Variants in FASTKD1 observed in about 807,000 individuals in gnomAD.
FASTKD1 encodes the protein FAST kinase domain-containing protein 1, mitochondrial.
FASTKD1 carries 94 observed loss-of-function variants against 90.9 expected under a neutral mutation model. That is an observed-to-expected ratio of 1.03 (90% CI 0.88 to 1.23). The LOEUF (loss-of-function observed/expected upper bound fraction) is 1.23, where lower values mean the gene tolerates loss of function less well. Ranked by LOEUF, FASTKD1 falls within the 50% of genes most tolerant of loss-of-function variation. The pLI, the probability that FASTKD1 is intolerant of heterozygous loss-of-function variation, is 0.00. For missense variants in FASTKD1, 945 were observed against 993.5 expected (o/e 0.95, Z 0.66); for synonymous variants, 319 against 345.8 (o/e 0.92, Z 0.86).
chr2:169,555,569 C>T (rs1447593661), intron 6 of FASTKD1, among the ~76,000 whole-genome samples: 1 of 152,172 alleles, frequency 6.6e-6, no homozygotes, highest in Non-Finnish European at 1.5e-5. Context: ...CTCCCCATAA[C>T]AAAATCTTTA....
intron 5 of FASTKD1, among the ~76,000 whole-genome samples, chr2:169,559,919 G>A (rs1404282101): frequency 6.6e-6 from 1 of 152,136 alleles, no homozygotes; most frequent in Non-Finnish European, 1.5e-5. Context: ...AATGAGAGGC[G>A]CCACACAAAA....
At chr2:169,545,971 TCA>T (rs1328355552) in intron 8 of FASTKD1, among the ~76,000 whole-genome samples, 1 of 152,156 alleles carries the variant, frequency 6.6e-6, no homozygotes, top group Non-Finnish European at 1.5e-5. Context: ...TCTCACTCTG[TCA>T]CACAGGCTGG....
chr2:169,571,782 G>A lies in FASTKD1; in HGVS notation c.248C>T (p.Thr83Ile). 1.9e-6 allele frequency: 3 copies of A among 1,614,080 alleles called. No homozygotes were observed. Among genetic ancestry groups the A allele is most frequent in the Non-Finnish European group, 2.5e-6 (3 of 1,179,990 alleles). Residue 83 changes from threonine (T) to isoleucine (I), a missense_variant, in exon 2 of 15, where the codon ACC (threonine) becomes ATC (isoleucine). Transcript: ENST00000453153. Reference sequence around the variant, plus strand: ...ATACTCAGCATTTTTTAACAGGCTGGTCTTCTGCTTTTGAAGCTTCCAAAG... The same window carrying A: ...ATACTCAGCATTTTTTAACAGGCTGATCTTCTGCTTTTGAAGCTTCCAAAG... Reference protein sequence around the residue: ...DMLWKLQKQKTSLLKNAEYVR... With the variant: ...DMLWKLQKQKISLLKNAEYVR...
rs772127945 is a variant in FASTKD1 at position 169,569,231 on chromosome 2, G to T, written c.399C>A (p.Asp133Glu). ...VTQQFAGEAH[D>E]PLVEALVTEA... ...CTGTAACTAGTGCTTCAACTAGCGG[G>T]TCATGGGCCTCACCAGCAAACCTTA... The change falls in exon 3 of 15, where the codon GAC becomes GAA. Residue 133 changes from aspartate (D) to glutamate (E), a missense_variant. Transcript: ENST00000453153. 3 of 1,613,932 alleles carry T rather than the reference G, an allele frequency of 1.9e-6. No individual in the cohort carries two copies. In the Admixed American group the frequency reaches 5.0e-5, roughly 27 times the overall value.
rs1275765438 is a variant in FASTKD1 at position 169,530,017 on chromosome 2, T to A, written c.2443-91A>T. On this transcript the variant is annotated intron_variant, in intron 14 of 14. Coordinates refer to ENST00000453153, the MANE Select transcript of FASTKD1 (RefSeq NM_024622.6). The stretch of plus-strand genomic sequence containing the variant: ...ATATAAGCACTACTGATCAAAGCTG[T>A]AGGAATCCTATGAAATTAGTTTACA... The A allele has an allele frequency of 1.4e-5, 12 of 853,742 alleles. No individual in the cohort carries two copies. The East Asian group carries it at 3.2e-4, about 23-fold the overall frequency. 52.9% of individuals were successfully genotyped at this position (853,742 alleles called of 1,614,324 possible).
chr2:169,572,098 T>C lies in FASTKD1; in HGVS notation c.-69A>G. ...AGTCGTCAGGTGCAATAAGCAGGGA[T>C]ACAAATAACAGTTTTTCCTTCATGT... On this transcript the variant is annotated 5_prime_UTR_variant, in exon 2 of 15. Transcript: ENST00000453153. 1.3e-6 allele frequency: 2 copies of C among 1,506,266 alleles called. No homozygotes were observed. The highest frequency in any genetic ancestry group is 1.8e-6 in the Non-Finnish European group (2 of 1,131,858). The allele number at this position is 1,506,266 out of a possible 1,614,324, so 93.3% of individuals were successfully genotyped here.
Position 169,529,766 on chromosome 2 carries a change from G to T in FASTKD1, c.*59C>A. The T allele has an allele frequency of 8.4e-6, 10 of 1,194,156 alleles. No homozygotes were observed. The highest frequency in any genetic ancestry group is 2.0e-4 in the Middle Eastern group (1 of 4,944). 74.0% of individuals were successfully genotyped at this position (1,194,156 alleles called of 1,614,324 possible). The stretch of plus-strand genomic sequence containing the variant: ...TGTACCTATTTTTTAATTGAGACAG[G>T]CCACTTTATTAAAATAGGTCCAAAT... On this transcript the variant is annotated 3_prime_UTR_variant, in exon 15 of 15. Transcript: ENST00000453153.
At chr2:169,556,722 G>A (rs1041417309) in intron 6 of FASTKD1, among the ~76,000 whole-genome samples, 2 of 152,126 alleles carry the variant, frequency 1.3e-5, no homozygotes, top group African/African-American at 2.4e-5. Flanking sequence ...CTACTCAGGA[G>A]GCTGAGACAG....
intron 7 of FASTKD1, among the ~76,000 whole-genome samples, chr2:169,552,016 C>T (rs1390743389): frequency 6.6e-6 from 1 of 152,128 alleles, no homozygotes; most frequent in African/African-American, 2.4e-5. Flanking sequence ...TGTTTCAGGA[C>T]CTAGGACCTA....
chr2:169,547,719 A>G (rs913939071), intron 7 of FASTKD1, among the ~76,000 whole-genome samples: 5 of 151,796 alleles, frequency 3.3e-5, no homozygotes, highest in Non-Finnish European at 5.9e-5. Flanking sequence ...CTCTACTAAA[A>G]ACACAAAAAA....
intron 2 of FASTKD1, chr2:169,571,008 T>C (rs974394078): frequency 5.9e-5 from 9 of 152,352 alleles, no homozygotes; most frequent in Non-Finnish European, 1.3e-4. Context: ...GCTTACCTAC[T>C]ATATCCTCAT....
chr2:169,531,248 G>A, intron 13 of FASTKD1, 104 bp downstream of exon 13: 1 of 1,195,440 alleles, frequency 8.4e-7, no homozygotes, highest in Non-Finnish European at 1.2e-6. Flanking sequence ...TGACATATGA[G>A]GAACAGATTC....
chr2:169,554,104 TC>T (rs1314792841), intron 7 of FASTKD1, among the ~76,000 whole-genome samples: 1 of 136,934 alleles, frequency 7.3e-6, no homozygotes, highest in Non-Finnish European at 1.6e-5. Flanking sequence ...GACCCCCATC[TC>T]TACAAAAAAA....
chr2:169,563,194 CCACAA>C, intron 4 of FASTKD1, 26 bp downstream of exon 4: 1 of 1,600,854 alleles, frequency 6.2e-7, no homozygotes, highest in African/African-American at 1.3e-5. Flanking sequence ...GATCTTTCCA[CCACAA>C]CACAAGATTC....
chr2:169,532,321 G>A (rs57155288), intron 12 of FASTKD1, among the ~76,000 whole-genome samples: 2,363 of 151,664 alleles, frequency 0.016, 57 homozygotes, highest in African/African-American at 0.052. Context: ...TGAGGTGGGC[G>A]GATCCCTTGA....
At position 169,546,716 on chromosome 2, in the gene FASTKD1, A is replaced by T. The variant is rs779664145; in HGVS notation, c.1215-12T>A. ...TATTTTTCAAATAACTGCAAAATGA[A>T]AAATGAAAAGAATACATCAGCAACA... On this transcript the variant is annotated splice_polypyrimidine_tract_variant and intron_variant, in intron 7 of 14. Coordinates refer to ENST00000453153, the MANE Select transcript of FASTKD1 (RefSeq NM_024622.6). The T allele has an allele frequency of 3.8e-6, 6 of 1,590,570 alleles. No homozygotes were observed. Among genetic ancestry groups the T allele is most frequent in the Non-Finnish European group, 5.1e-6 (6 of 1,168,908 alleles).
intron 6 of FASTKD1, among the ~76,000 whole-genome samples, chr2:169,555,654 T>C (rs1683264940): frequency 1.3e-5 from 2 of 152,070 alleles, no homozygotes; most frequent in South Asian, 4.1e-4. Context: ...ATGAAGATGC[T>C]TAAAAGCAAA....
At chr2:169,560,003 G>A (rs1408563578) in intron 5 of FASTKD1, among the ~76,000 whole-genome samples, 1 of 152,020 alleles carries the variant, frequency 6.6e-6, no homozygotes, top group Non-Finnish European at 1.5e-5. Flanking sequence ...GATGAAGACA[G>A]CAAAGCATAA....
intron 3 of FASTKD1, 86 bp from the exon 4 acceptor site, chr2:169,563,436 C>A: frequency 1.0e-6 from 1 of 972,142 alleles, no homozygotes; most frequent in Non-Finnish European, 1.4e-6. Context: ...TAAAAGCAAT[C>A]AAAATAGTAA....
Sources: allele counts gnomAD v4.1 joint callset (sites outside exome capture counted in the v4.1 genomes callset), GRCh38; gene constraint gnomAD v4.1.1; transcripts MANE v1.5; gene names NCBI Gene and HGNC (gene_info 2026-07-23, HGNC 2026-07-21).